Variants in AGBL4 observed in about 807,000 individuals in gnomAD.
AGBL4 encodes the protein AGBL carboxypeptidase 4, also known as cytosolic carboxypeptidase 6.
AGBL4 carries 58 observed loss-of-function variants against 66.4 expected under a neutral mutation model. That is an observed-to-expected ratio of 0.87 (90% CI 0.71 to 1.09). The LOEUF (loss-of-function observed/expected upper bound fraction) is 1.09. Ranked by LOEUF, AGBL4 falls within the 50% of genes least tolerant of loss-of-function variation. The pLI, the probability that AGBL4 is intolerant of heterozygous loss-of-function variation, is 0.00. For missense variants in AGBL4, 579 were observed against 631.0 expected (o/e 0.92, Z 0.88); for synonymous variants, 234 against 222.9 (o/e 1.05, Z -0.44).
At chr1:49,107,235 A>C (rs1645309232) in intron 4 of AGBL4, among the ~76,000 whole-genome samples, 1 of 152,230 alleles carries the variant, frequency 6.6e-6, no homozygotes, top group African/African-American at 2.4e-5. Flanking sequence ...TTAATAAATT[A>C]CATGAGATAT....
rs539790946 is a variant in AGBL4 at position 48,879,762 on chromosome 1, G to T, written c.595-12532C>A. Among the ~76,000 whole-genome samples the T allele has an allele frequency of 1.2e-4, 19 of 152,214 alleles. No homozygotes were observed. The South Asian group carries it at 3.7e-3, about 30-fold the overall frequency. On this transcript the variant is annotated intron_variant, in intron 5 of 13. Coordinates refer to ENST00000371839, the MANE Select transcript of AGBL4 (RefSeq NM_032785.4). Reference sequence around the variant, plus strand: ...AGAGATAAGGAAACTGAAGCTCAAAGAAGTTAATTAAATTGCCCAAGTCGT... The same window carrying T: ...AGAGATAAGGAAACTGAAGCTCAAATAAGTTAATTAAATTGCCCAAGTCGT...
intron 3 of AGBL4, among the ~76,000 whole-genome samples, chr1:49,423,311 A>G (rs1237115117): frequency 3.9e-5 from 6 of 152,330 alleles, no homozygotes; most frequent in Non-Finnish European, 8.8e-5. Flanking sequence ...TACAATATTT[A>G]GCAGGATGCT....
intron 1 of AGBL4, among the ~76,000 whole-genome samples, chr1:49,872,301 T>C (rs1646856429): frequency 6.6e-6 from 1 of 152,046 alleles, no homozygotes; most frequent in Non-Finnish European, 1.5e-5. Flanking sequence ...ACAATATAAT[T>C]ATTCACAGAA....
chr1:49,487,996 A>C (rs1401996961), intron 3 of AGBL4, among the ~76,000 whole-genome samples: 1 of 152,004 alleles, frequency 6.6e-6, no homozygotes, highest in African/African-American at 2.4e-5. Flanking sequence ...GAAGAAACCT[A>C]AATTGAAATT....
At chr1:49,122,997 G>A (rs1306742388) in intron 4 of AGBL4, among the ~76,000 whole-genome samples, 1 of 151,978 alleles carries the variant, frequency 6.6e-6, no homozygotes, top group Non-Finnish European at 1.5e-5. Context: ...GGGATTATAG[G>A]CACCCGCAAC....
At chr1:49,810,867 T>C (rs1490755509) in intron 2 of AGBL4, among the ~76,000 whole-genome samples, 1 of 152,098 alleles carries the variant, frequency 6.6e-6, no homozygotes, top group Non-Finnish European at 1.5e-5. Flanking sequence ...ATTGAAAAGG[T>C]AGACACCTGA....
At chr1:49,954,533 T>C (rs1262597154) in intron 1 of AGBL4, among the ~76,000 whole-genome samples, 1 of 152,014 alleles carries the variant, frequency 6.6e-6, no homozygotes, top group Non-Finnish European at 1.5e-5. Context: ...GGTCCCTCCA[T>C]CTTGTACTTC....
chr1:49,763,076 G>A (rs1219197829), intron 2 of AGBL4, among the ~76,000 whole-genome samples: 1 of 152,132 alleles, frequency 6.6e-6, no homozygotes, highest in Non-Finnish European at 1.5e-5. Flanking sequence ...ATGAGAGTTA[G>A]GAGTCTACTC....
intron 4 of AGBL4, among the ~76,000 whole-genome samples, chr1:49,202,382 C>T (rs1647777517): frequency 6.6e-6 from 1 of 152,060 alleles, no homozygotes; most frequent in Non-Finnish European, 1.5e-5. Flanking sequence ...AAACATACTA[C>T]AAAGCTACAG....
At chr1:49,414,747 T>C (rs1557918923) in intron 3 of AGBL4, among the ~76,000 whole-genome samples, 1 of 152,170 alleles carries the variant, frequency 6.6e-6, no homozygotes, top group Non-Finnish European at 1.5e-5. Context: ...TATCACTTAC[T>C]TAACCTCTTT....
chr1:49,481,648 C>T (rs1230205184), intron 3 of AGBL4, among the ~76,000 whole-genome samples: 2 of 151,894 alleles, frequency 1.3e-5, no homozygotes, highest in Non-Finnish European at 2.9e-5. Context: ...CTGGCCAGAA[C>T]TTCTAATACT....
At chr1:48,846,395 A>C (rs1327216912) in intron 6 of AGBL4, among the ~76,000 whole-genome samples, 2 of 151,362 alleles carry the variant, frequency 1.3e-5, no homozygotes, top group Non-Finnish European at 2.9e-5. Flanking sequence ...GAAAGAAAGA[A>C]AGAAAGAAAG....
intron 4 of AGBL4, among the ~76,000 whole-genome samples, chr1:49,065,401 TC>T (rs1644474585): frequency 6.6e-6 from 1 of 152,212 alleles, no homozygotes; most frequent in African/African-American, 2.4e-5. Context: ...AAGAAAGACT[TC>T]TCAGACAGAG....
chr1:48,763,715 G>A (rs554890128), intron 6 of AGBL4, among the ~76,000 whole-genome samples: 62 of 152,272 alleles, frequency 4.1e-4, no homozygotes, highest in Middle Eastern at 6.8e-3. Flanking sequence ...AAAAGCAATC[G>A]TTCGGACTCA....
chr1:48,573,611 T>C (rs1381495981), intron 11 of AGBL4, among the ~76,000 whole-genome samples: 1 of 152,202 alleles, frequency 6.6e-6, no homozygotes, highest in African/African-American at 2.4e-5. Context: ...CAGAGATTTC[T>C]ATTGGGGTAT....
chr1:49,322,769 C>G (rs1645153837), intron 3 of AGBL4, among the ~76,000 whole-genome samples: 1 of 152,106 alleles, frequency 6.6e-6, no homozygotes, highest in Admixed American at 6.5e-5. Flanking sequence ...CTTCTGGCCT[C>G]CAGAACTATG....
At chr1:49,910,350 G>A (rs1216679458) in intron 1 of AGBL4, among the ~76,000 whole-genome samples, 2 of 152,196 alleles carry the variant, frequency 1.3e-5, no homozygotes, top group Admixed American at 1.3e-4. Flanking sequence ...ACTGACTATT[G>A]CATTTGGTAA....
intron 4 of AGBL4, among the ~76,000 whole-genome samples, chr1:49,226,918 C>G (rs1649955803): frequency 6.6e-6 from 1 of 152,170 alleles, no homozygotes; most frequent in African/African-American, 2.4e-5. Flanking sequence ...AAAGTGAGGG[C>G]TGACTCAACG....
At chr1:48,542,527 C>T (rs564099425) in intron 11 of AGBL4, among the ~76,000 whole-genome samples, 22 of 152,282 alleles carry the variant, frequency 1.4e-4, no homozygotes, top group South Asian at 6.2e-4. Context: ...TTTTAACGAT[C>T]GCCATTCTAA....
Sources: gnomAD v4.1 joint callset for allele counts (sites outside exome capture counted in the v4.1 genomes callset) on GRCh38, gnomAD v4.1.1 for gene constraint, MANE v1.5 for transcripts, NCBI Gene and HGNC (gene_info 2026-07-23, HGNC 2026-07-21) for gene names.